Variants in MMUT observed in about 807,000 individuals in gnomAD.
The protein encoded by MMUT is methylmalonyl-CoA mutase, also known as methylmalonyl-CoA mutase, mitochondrial.
Under a neutral mutation model 79.9 loss-of-function variants are expected in MMUT, and 79 were observed. That is an observed-to-expected ratio of 0.99 (90% CI 0.82 to 1.19). The LOEUF is 1.19. MMUT is among the 50% of genes most tolerant of loss of function. MMUT has a pLI of 0.00. For missense variants in MMUT, 860 were observed against 917.2 expected (o/e 0.94, Z 0.81); for synonymous variants, 273 against 295.7 (o/e 0.92, Z 0.79).
rs764587313 is a variant in MMUT at position 49,441,959 on chromosome 6, T to C, written c.1689A>G (p.Gly563=). Residue 563 remains glycine (G), a synonymous_variant, in exon 10 of 13, where the codon GGA becomes GGG. Coordinates refer to ENST00000274813, the MANE Select transcript of MMUT (RefSeq NM_000255.4). ...CCTTTTTCAGGGCATCTGTGATTTCTCCCACTGTACATCTGAAACATGAAA... is the reference window on the plus strand; with the variant it reads ...CCTTTTTCAGGGCATCTGTGATTTCCCCCACTGTACATCTGAAACATGAAA... ...VDASRARCTV[G]EITDALKKVF... is the part of the protein sequence containing the mutation. 1 of 1,610,666 alleles carries C rather than the reference T, an allele frequency of 6.2e-7. No homozygotes were observed. The highest frequency in any genetic ancestry group is 1.7e-4 in the Middle Eastern group (1 of 6,050).
intron 8 of MMUT, among the ~76,000 whole-genome samples, chr6:49,445,439 T>C (rs1403196927): frequency 2.6e-5 from 4 of 152,076 alleles, no homozygotes; most frequent in Admixed American, 2.6e-4. Context: ...TTATATAGCA[T>C]ATATAAGCAG....
intron 6 of MMUT, among the ~76,000 whole-genome samples, chr6:49,451,053 G>T (rs940636259): frequency 3.3e-5 from 5 of 152,108 alleles, no homozygotes; most frequent in African/African-American, 1.2e-4. Flanking sequence ...GGTCTCATGT[G>T]TAATGTCTAC....
intron 1 of MMUT, 43 bp from the exon 2 acceptor site, chr6:49,459,548 TG>T (rs1329211581): frequency 1.4e-6 from 2 of 1,441,096 alleles, no homozygotes; most frequent in Non-Finnish European, 1.9e-6. Context: ...GAAGAGGGGG[TG>T]GGAAATAGGA....
Position 49,431,294 on chromosome 6 carries a change from G to GT in MMUT, c.*433dup. On this transcript the variant is annotated 3_prime_UTR_variant, in exon 13 of 13. Coordinates refer to ENST00000274813, the MANE Select transcript of MMUT (RefSeq NM_000255.4). ...ACACTCCACTAGTTTTTCAAGATAG[G>GT]TTTTTATTAATATATGGATTTTATT... The GT allele has an allele frequency of 6.5e-6, 1 of 153,682 alleles. No homozygotes were observed. The highest frequency in any genetic ancestry group is 2.0e-4 in the South Asian group (1 of 4,942). 9.5% of individuals were successfully genotyped at this position (153,682 alleles called of 1,614,324 possible).
At chr6:49,441,592 G>T (rs1767274782) in intron 10 of MMUT, among the ~76,000 whole-genome samples, 1 of 149,054 alleles carries the variant, frequency 6.7e-6, no homozygotes, top group Non-Finnish European at 1.5e-5. Flanking sequence ...CTATTAAAAT[G>T]ATAGTATAGA....
chr6:49,442,060 T>A (rs1767291597), intron 9 of MMUT, 89 bp from the exon 10 acceptor site: 2 of 1,343,940 alleles, frequency 1.5e-6, no homozygotes, highest in South Asian at 2.5e-5. Context: ...TTAAACATTT[T>A]ATTACATAAG....
chr6:49,447,765 C>T lies in MMUT; in HGVS notation c.1465G>A (p.Val489Ile), dbSNP rs1767446166. ...TCTTTTTCCAACTGGTACTTATTTACTCCAACAATTACTTCAGAACCTGGT... is the reference window on the plus strand; with the variant it reads ...TCTTTTTCCAACTGGTACTTATTTATTCCAACAATTACTTCAGAACCTGGT... ...IDSGSEVIVG[V>I]NKYQLEKEDA... Residue 489 changes from valine (V) to isoleucine (I), a missense_variant, in exon 8 of 13, where the codon GTA (valine) becomes ATA (isoleucine). By Grantham distance (29) the Val-to-Ile change is conservative. Transcript: ENST00000274813. 4 of 1,607,246 alleles carry T rather than the reference C, an allele frequency of 2.5e-6. No homozygotes were observed. Among genetic ancestry groups the T allele is most frequent in the Non-Finnish European group, 3.4e-6 (4 of 1,174,550 alleles).
chr6:49,439,290 C>A (rs552437060), intron 11 of MMUT, among the ~76,000 whole-genome samples: 4 of 152,250 alleles, frequency 2.6e-5, no homozygotes, highest in African/African-American at 9.6e-5. Flanking sequence ...CAGTAACAGG[C>A]CAAGAGCTGT....
In MMUT at chr6:49,459,393, G is replaced by A; in HGVS notation, c.74C>T (p.Ser25Phe). 1 of 1,613,594 alleles carries A rather than the reference G, an allele frequency of 6.2e-7. No homozygotes were observed. The highest frequency in any genetic ancestry group is 1.1e-5 in the South Asian group (1 of 91,032). Residue 25 changes from serine to phenylalanine, a missense_variant, in exon 2 of 13, where the codon TCC becomes TTC. Coordinates refer to ENST00000274813, the MANE Select transcript of MMUT (RefSeq NM_000255.4). ...TAGAAGTCGTTGCTGTATGAGCCTG[G>A]AGCCTGATGATTCTTTTACCTGCCT... ...YLRQVKESSG[S>F]RLIQQRLLHQ...
At chr6:49,442,398 GATATTACTATATCTCTATATCTACT>G (rs1441827731) in intron 9 of MMUT, among the ~76,000 whole-genome samples, 1 of 152,026 alleles carries the variant, frequency 6.6e-6, no homozygotes, top group Non-Finnish European at 1.5e-5. Flanking sequence ...ATATGTGCCA[GATATTACTATATCTCTATATCTACT>G]ATAGCGATAC....
intron 8 of MMUT, among the ~76,000 whole-genome samples, chr6:49,446,749 T>G: frequency 6.6e-6 from 1 of 151,874 alleles, no homozygotes; most frequent in Non-Finnish European, 1.5e-5. Context: ...AAATAAGGCT[T>G]ATCATTATTT....
intron 5 of MMUT, among the ~76,000 whole-genome samples, chr6:49,452,540 A>G (rs928288842): frequency 6.6e-6 from 1 of 152,040 alleles, no homozygotes; most frequent in African/African-American, 2.4e-5. Context: ...TCACCATGTT[A>G]GCCAGGATGA....
At chr6:49,433,053 CT>C (rs1351485598) in intron 12 of MMUT, among the ~76,000 whole-genome samples, 1 of 152,144 alleles carries the variant, frequency 6.6e-6, no homozygotes, top group Non-Finnish European at 1.5e-5. Context: ...AACTTGTCTC[CT>C]TCTAGTCTGT....
In MMUT at chr6:49,431,730, A is replaced by T. The variant is rs1581815157; in HGVS notation, c.2251T>A (p.Ter751LysextTer10). The change falls in exon 13 of 13, where the codon TAA (stop) becomes AAA (lysine). Residue 751 changes from the stop codon to lysine, a stop_lost. Transcript: ENST00000274813. ...AAAGCTAAAACAAAAAGAGGATATT[A>T]TACAGATTGCTGCTTCTTTTCCAAA... ...KCLEKKQQSV[*>K] 6.2e-7 allele frequency: 1 copy of T among 1,613,632 alleles called. No homozygotes were observed. Among genetic ancestry groups the T allele is most frequent in the East Asian group, 2.2e-5 (1 of 44,836 alleles).
At position 49,457,679 on chromosome 6, in the gene MMUT, C is replaced by T; in HGVS notation, c.753+12G>A. On this transcript the variant is annotated intron_variant, in intron 3 of 12. Transcript: ENST00000274813. ...GAACTATAGAAAAACCTATAATAAC[C>T]ACAAAGTATACCTTTGCTGTATATT... The T allele has an allele frequency of 3.1e-6, 5 of 1,603,644 alleles. No individual in the cohort carries two copies. The highest frequency in any genetic ancestry group is 4.2e-6 in the Non-Finnish European group (5 of 1,176,620).
intron 11 of MMUT, among the ~76,000 whole-genome samples, chr6:49,436,931 C>T (rs942873459): frequency 2.0e-5 from 3 of 151,970 alleles, no homozygotes. Context: ...ACAACACACA[C>T]TGGGGCCTAT....
intron 10 of MMUT, among the ~76,000 whole-genome samples, chr6:49,441,576 ATGTACC>A (rs1767274528): frequency 6.7e-6 from 1 of 149,928 alleles, no homozygotes; most frequent in Admixed American, 6.7e-5. Flanking sequence ...AAATATTATC[ATGTACC>A]TATTAAAATG....
intron 4 of MMUT, among the ~76,000 whole-genome samples, chr6:49,454,667 C>T (rs916718256): frequency 6.6e-6 from 1 of 152,186 alleles, no homozygotes; most frequent in Non-Finnish European, 1.5e-5. Context: ...TCCCTTTCTA[C>T]TCTTAAAACT....
At chr6:49,462,608 TTTCTA>T (rs1767883325) in intron 1 of MMUT, among the ~76,000 whole-genome samples, 1 of 152,196 alleles carries the variant, frequency 6.6e-6, no homozygotes, top group South Asian at 2.1e-4. Flanking sequence ...AGACCTGTCT[TTTCTA>T]TTCTACCTCT....
Sources: gnomAD v4.1 joint callset for allele counts (sites outside exome capture counted in the v4.1 genomes callset) on GRCh38, gnomAD v4.1.1 for gene constraint, MANE v1.5 for transcripts, NCBI Gene and HGNC (gene_info 2026-07-23, HGNC 2026-07-21) for gene names.